TIAM1: variants seen among roughly 807,000 people sequenced by gnomAD.
The protein encoded by TIAM1 is TIAM Rac1 associated GEF 1.
A neutral mutation model predicts 163.5 loss-of-function variants in TIAM1; 65 were observed. The ratio of observed to expected loss-of-function variants is 0.40; its 90% CI spans 0.33 to 0.49. The LOEUF is 0.49. Among genes scored for constraint, TIAM1 ranks in the 20% least tolerant of loss-of-function variants. The probability of loss-of-function intolerance (pLI) is 0.77; values close to 1 mark genes in which losing one functional copy is unlikely to be tolerated. For missense variants in TIAM1, 1,789 were observed against 2,044.7 expected (o/e 0.87, Z 2.41); for synonymous variants, 833 against 810.1 (o/e 1.03, Z -0.48).
Position 31,141,324 on chromosome 21 carries a change from C to T in TIAM1, c.3655+1G>A. 1 of 1,613,962 alleles carries T rather than the reference C, an allele frequency of 6.2e-7. No individual in the cohort carries two copies. The highest frequency in any genetic ancestry group is 8.5e-7 in the Non-Finnish European group (1 of 1,179,900). Reference sequence around the variant, plus strand: ...GCCGGGGGTCCCAGGCCGAGGCCTACCGTCCAGGTGGTAGTGCTCCTCGCT... The same window carrying T: ...GCCGGGGGTCCCAGGCCGAGGCCTATCGTCCAGGTGGTAGTGCTCCTCGCT... On this transcript the variant is annotated splice_donor_variant, in intron 21 of 27. Transcript: ENST00000541036. LOFTEE classifies it high-confidence loss of function. The surrounding 1 kb of genome is among the most constrained non-coding windows in gnomAD (Gnocchi z 4.7).
chr21:31,437,054 G>A (rs2044234531), intron 2 of TIAM1, among the ~76,000 whole-genome samples: 1 of 152,158 alleles, frequency 6.6e-6, no homozygotes, highest in Non-Finnish European at 1.5e-5. Context: ...CAAAAGTAAT[G>A]TCTTTGTAAA....
At chr21:31,419,354 C>A (rs2833402) in intron 2 of TIAM1, among the ~76,000 whole-genome samples, 19,290 of 152,156 alleles carry the variant, frequency 0.13, 1,873 homozygotes, top group African/African-American at 0.26. Context: ...GTGATAAAAA[C>A]AGGACAGTGA....
rs200884558 is a variant in TIAM1, at chr21:31,325,667, C to CA, written c.-189+13575dup. 8.0e-3 allele frequency among the ~76,000 whole-genome samples: 801 copies of CA among 99,862 alleles called. 15 individuals carry two copies. The highest frequency in any genetic ancestry group is 0.017 in the African/African-American group (462 of 27,010). The allele number at this position is 99,862 out of a possible 152,430, so 65.5% of individuals were successfully genotyped here. ...TGGGCGACAGAGCAAGACTCTGACT[C>CA]AAAAAAAAAAAAAAAGAATGTATAC... On this transcript the variant is annotated intron_variant, in intron 2 of 27. Transcript: ENST00000541036.
At chr21:31,515,019 C>T (rs1388641898) in intron 1 of TIAM1, among the ~76,000 whole-genome samples, 1 of 152,200 alleles carries the variant, frequency 6.6e-6, no homozygotes. Context: ...AGTAGGCAGA[C>T]GGGCCTTGCC....
chr21:31,511,700 G>A (rs950522401), intron 1 of TIAM1, among the ~76,000 whole-genome samples: 6 of 152,254 alleles, frequency 3.9e-5, no homozygotes, highest in Admixed American at 6.5e-5. Flanking sequence ...GGGCCTCCCC[G>A]ATCCTGGACT....
At chr21:31,213,542 A>G in intron 9 of TIAM1, 70 bp from the exon 10 acceptor site, 1 of 1,346,122 alleles carries the variant, frequency 7.4e-7, no homozygotes. Context: ...AGGAAGGGGG[A>G]AGGAAATGGG....
chr21:31,443,443 G>C (rs955635859), intron 2 of TIAM1, among the ~76,000 whole-genome samples: 2 of 152,214 alleles, frequency 1.3e-5, no homozygotes, highest in African/African-American at 4.8e-5. Context: ...GGAAAGATCT[G>C]ATATTTTAAT....
chr21:31,213,866 C>CCAAAAAAAAAAAAAA (rs71318260), intron 9 of TIAM1, among the ~76,000 whole-genome samples: 40 of 54,846 alleles, frequency 7.3e-4, no homozygotes, highest in African/African-American at 2.5e-3. Context: ...CTCATCTCTA[C>CCAAAAAAAAAAAAAA]AAAAAAAAAA....
intron 3 of TIAM1, among the ~76,000 whole-genome samples, chr21:31,273,483 G>A (rs1165357320): frequency 3.9e-5 from 6 of 152,174 alleles, no homozygotes; most frequent in African/African-American, 9.6e-5. Flanking sequence ...TAACCCCTGA[G>A]TGGCACAAAA....
intron 1 of TIAM1, among the ~76,000 whole-genome samples, chr21:31,520,932 G>A (rs558302677): frequency 1.3e-5 from 2 of 152,318 alleles, no homozygotes; most frequent in South Asian, 4.1e-4. Context: ...TGCTTCATAA[G>A]GTAACCGTAA....
At chr21:31,455,142 G>A (rs2045040391) in intron 2 of TIAM1, among the ~76,000 whole-genome samples, 1 of 151,952 alleles carries the variant, frequency 6.6e-6, no homozygotes, top group Admixed American at 6.5e-5. Context: ...AGCCAGGCAT[G>A]GTGGCACACG....
intron 16 of TIAM1, among the ~76,000 whole-genome samples, chr21:31,163,753 C>A (rs1039666817): frequency 6.6e-6 from 1 of 152,088 alleles, no homozygotes; most frequent in Admixed American, 6.5e-5. Context: ...TATTATTTGA[C>A]CCACCCAAAA....
intron 2 of TIAM1, among the ~76,000 whole-genome samples, chr21:31,365,669 C>T (rs1321670502): frequency 6.6e-6 from 1 of 151,834 alleles, no homozygotes; most frequent in Non-Finnish European, 1.5e-5. Context: ...GGATTACAGG[C>T]GTGAGCCACT....
Position 31,318,329 on chromosome 21 carries a change from T to A in TIAM1, c.-189+20914A>T, listed in dbSNP as rs1340586082. ...CATGTTGGCCACGCTGGTTTCGAAC[T>A]CCTGAGCTCAAGTGATCTGCCTGCC... On this transcript the variant is annotated intron_variant, in intron 2 of 27. Coordinates refer to ENST00000541036, the MANE Select transcript of TIAM1 (RefSeq NM_001353694.2). Among the ~76,000 whole-genome samples, 14 of 152,344 alleles carry A rather than the reference T, an allele frequency of 9.2e-5. No homozygotes were observed. The East Asian group carries it at 2.7e-3, about 29-fold the overall frequency.
intron 8 of TIAM1, among the ~76,000 whole-genome samples, chr21:31,223,168 G>A (rs1190460508): frequency 6.6e-6 from 1 of 152,076 alleles, no homozygotes; most frequent in African/African-American, 2.4e-5. Flanking sequence ...GCTGAAGATG[G>A]TACCCTTCAT....
At chr21:31,502,134 C>T (rs2046870337) in intron 1 of TIAM1, among the ~76,000 whole-genome samples, 1 of 151,964 alleles carries the variant, frequency 6.6e-6, no homozygotes. Flanking sequence ...GACTCAATAG[C>T]TTCAGTTCTA....
chr21:31,140,424 T>C (rs1021872299), intron 22 of TIAM1, among the ~76,000 whole-genome samples: 8 of 152,218 alleles, frequency 5.3e-5, no homozygotes, highest in African/African-American at 1.9e-4. Flanking sequence ...CCTCTAAGTA[T>C]TATTGGCATT....
chr21:31,231,908 G>A (rs778737907), intron 6 of TIAM1, among the ~76,000 whole-genome samples: 10 of 151,966 alleles, frequency 6.6e-5, no homozygotes, highest in Non-Finnish European at 1.5e-4. Flanking sequence ...AGCTACTCGG[G>A]AGGCTGAGGC....
intron 2 of TIAM1, among the ~76,000 whole-genome samples, chr21:31,378,937 G>C (rs2076733147): frequency 6.6e-6 from 1 of 152,000 alleles, no homozygotes; most frequent in African/African-American, 2.4e-5. Context: ...AATGTGCATA[G>C]GTTTTGTGCA....
Sources: gnomAD v4.1 joint callset for allele counts (sites outside exome capture counted in the v4.1 genomes callset) on GRCh38, gnomAD v4.1.1 for gene constraint, Gnocchi (gnomAD v3.1) non-coding constraint, MANE v1.5 for transcripts, NCBI Gene and HGNC (gene_info 2026-07-23, HGNC 2026-07-21) for gene names.